The following CACNA2D1 variants were observed in gnomAD, a reference collection of about 807,000 sequenced individuals.
CACNA2D1 encodes the protein voltage-dependent calcium channel subunit alpha-2/delta-1.
A neutral mutation model predicts 171.5 loss-of-function variants in CACNA2D1; 53 were observed. The observed-to-expected ratio is 0.31, with a 90% CI of 0.25 to 0.39. The LOEUF is 0.39. Ranked by LOEUF, CACNA2D1 falls within the 10% of genes least tolerant of loss-of-function variation. The pLI, the probability that CACNA2D1 is intolerant of heterozygous loss-of-function variation, is 1.00. For synonymous variants in CACNA2D1, 442 were observed against 443.1 expected, an observed-to-expected ratio of 1.00 and a Z score of 0.03; for missense variants, 903 against 1,299.8, an observed-to-expected ratio of 0.69 and a Z score of 4.69.
chr7:82,321,744 CCAAT>C (rs1358853990), intron 3 of CACNA2D1, among the ~76,000 whole-genome samples: 1 of 151,986 alleles, frequency 6.6e-6, no homozygotes, highest in African/African-American at 2.4e-5. Context: ...AAAAAGAATG[CCAAT>C]CAAATTTTAG....
intron 2 of CACNA2D1, among the ~76,000 whole-genome samples, chr7:82,341,698 T>A (rs1404707547): frequency 6.6e-6 from 1 of 152,116 alleles, no homozygotes; most frequent in Admixed American, 6.6e-5. Context: ...GTGTGTGCAT[T>A]TATGAAACTA....
chr7:82,242,098 A>C (rs183172823), intron 3 of CACNA2D1, among the ~76,000 whole-genome samples: 23 of 152,230 alleles, frequency 1.5e-4, no homozygotes, highest in Admixed American at 1.0e-3. Context: ...TAAGAGGGGG[A>C]AAAAAGTGAA....
At chr7:81,968,204 T>C (rs1367826862) in intron 29 of CACNA2D1, among the ~76,000 whole-genome samples, 1 of 151,416 alleles carries the variant, frequency 6.6e-6, no homozygotes, top group East Asian at 1.9e-4. Context: ...GGGGTAAAGC[T>C]GTCCTCAGGA....
At chr7:81,972,968 T>C (rs1795447228) in intron 25 of CACNA2D1, among the ~76,000 whole-genome samples, 1 of 151,976 alleles carries the variant, frequency 6.6e-6, no homozygotes, top group African/African-American at 2.4e-5. Context: ...TTTTAGAAAC[T>C]GAATCATTTA....
intron 1 of CACNA2D1, among the ~76,000 whole-genome samples, chr7:82,391,801 A>G (rs1825153508): frequency 6.6e-6 from 1 of 152,226 alleles, no homozygotes; most frequent in African/African-American, 2.4e-5. Context: ...TAGTAGCAAG[A>G]ATGCAAAATG....
intron 10 of CACNA2D1, among the ~76,000 whole-genome samples, chr7:82,052,003 T>C (rs1805246115): frequency 6.6e-6 from 1 of 152,188 alleles, no homozygotes; most frequent in African/African-American, 2.4e-5. Context: ...ATACATGATT[T>C]AAGCATGAAA....
intron 3 of CACNA2D1, among the ~76,000 whole-genome samples, chr7:82,331,877 T>G (rs1056368699): frequency 2.0e-5 from 3 of 152,164 alleles, no homozygotes; most frequent in Admixed American, 6.5e-5. Flanking sequence ...CACTGTCACC[T>G]GAATATTAAT....
chr7:82,171,573 G>T (rs1563153127), intron 3 of CACNA2D1, among the ~76,000 whole-genome samples: 1 of 152,024 alleles, frequency 6.6e-6, no homozygotes. Flanking sequence ...TTATTGGAAG[G>T]ACTAAATGAG....
intron 2 of CACNA2D1, among the ~76,000 whole-genome samples, chr7:82,342,026 C>T (rs1202000742): frequency 7.2e-6 from 1 of 138,814 alleles, no homozygotes; most frequent in Non-Finnish European, 1.5e-5. Context: ...GGTGCTCCAG[C>T]CTGGGCTACA....
Position 82,066,620 on chromosome 7 carries a change from T to C in CACNA2D1, c.659-96A>G, listed in dbSNP as rs1479333399. The C allele has an allele frequency of 8.2e-6, 12 of 1,463,290 alleles. No individual in the cohort carries two copies. The South Asian group carries it at 1.1e-4, about 13-fold the overall frequency. The allele number at this position is 1,463,290 out of a possible 1,614,324, so 90.6% of individuals were successfully genotyped here. ...AAAATCACAAAAAGCAATAGATACATAATTTCACTTACGTACTTCAATGTT... is the reference window on the plus strand; with the variant it reads ...AAAATCACAAAAAGCAATAGATACACAATTTCACTTACGTACTTCAATGTT... On this transcript the variant is annotated intron_variant, in intron 7 of 38. Coordinates refer to ENST00000356860, the MANE Select transcript of CACNA2D1 (RefSeq NM_000722.4).
At chr7:82,277,782 G>A (rs1415645739) in intron 3 of CACNA2D1, among the ~76,000 whole-genome samples, 1 of 136,516 alleles carries the variant, frequency 7.3e-6, no homozygotes, top group African/African-American at 2.8e-5. Context: ...GTCTCGCCCT[G>A]TCGCTCAGGC....
chr7:81,992,191 T>A (rs971243907), intron 20 of CACNA2D1, among the ~76,000 whole-genome samples: 22 of 152,030 alleles, frequency 1.4e-4, no homozygotes, highest in African/African-American at 5.3e-4. Flanking sequence ...TTGAGTTTCA[T>A]CATTCTCACC....
intron 3 of CACNA2D1, among the ~76,000 whole-genome samples, chr7:82,272,124 T>C (rs1808713073): frequency 6.6e-6 from 1 of 152,158 alleles, no homozygotes; most frequent in African/African-American, 2.4e-5. Flanking sequence ...CTCAATATAA[T>C]CTCTAAAAGA....
intron 38 of CACNA2D1, among the ~76,000 whole-genome samples, chr7:81,951,979 T>TTTTTTTTTGTTTTTTTTTG (rs1554321745): frequency 4.0e-5 from 6 of 149,120 alleles, no homozygotes; most frequent in African/African-American, 1.5e-4. Context: ...GTTTTTTTTT[T>TTTTTTTTTGTTTTTTTTTG]TTTTTTTTTT....
At chr7:82,304,562 T>C (rs1813471387) in intron 3 of CACNA2D1, among the ~76,000 whole-genome samples, 1 of 152,150 alleles carries the variant, frequency 6.6e-6, no homozygotes, top group Non-Finnish European at 1.5e-5. Context: ...GCAATATGAA[T>C]GGAACCGGAG....
At chr7:82,229,976 T>C (rs1051431356) in intron 3 of CACNA2D1, among the ~76,000 whole-genome samples, 10 of 152,322 alleles carry the variant, frequency 6.6e-5, no homozygotes, top group African/African-American at 2.4e-4. Context: ...TAAGCACAGC[T>C]CCAATTCCTG....
rs1046138323 is a variant in CACNA2D1, at chr7:82,067,172, ATTAAT to A, written c.659-653_659-649del. On this transcript the variant is annotated intron_variant, in intron 7 of 38. Transcript: ENST00000356860. Reference sequence around the variant, plus strand: ...CTAATTGTATTGATTTTTAAATGCAATTAATTTAAATCTATTCTAATTAAATTGAT... The same window carrying A: ...CTAATTGTATTGATTTTTAAATGCAATTAAATCTATTCTAATTAAATTGAT... Among the ~76,000 whole-genome samples, 12 of 152,328 alleles carry A rather than the reference ATTAAT, an allele frequency of 7.9e-5. No homozygotes were observed. The East Asian group carries it at 2.1e-3, about 27-fold the overall frequency.
intron 8 of CACNA2D1, 90 bp downstream of exon 8, chr7:82,066,365 C>T: frequency 6.7e-7 from 1 of 1,494,190 alleles, no homozygotes; most frequent in Non-Finnish European, 9.1e-7. Context: ...GTAGTTAATA[C>T]TCATCCTAAT....
At chr7:82,432,281 T>G (rs1195835442) in intron 1 of CACNA2D1, among the ~76,000 whole-genome samples, 2 of 152,278 alleles carry the variant, frequency 1.3e-5, no homozygotes, top group East Asian at 3.9e-4. Flanking sequence ...TCTTATCTCT[T>G]GCCACAAACC....
Sources: gnomAD v4.1 joint callset for allele counts (sites outside exome capture counted in the v4.1 genomes callset) on GRCh38, gnomAD v4.1.1 for gene constraint, MANE v1.5 for transcripts, NCBI Gene and HGNC (gene_info 2026-07-23, HGNC 2026-07-21) for gene names.